The following STAM variants were observed in gnomAD, a reference collection of about 807,000 sequenced individuals.
STAM encodes the protein signal transducing adapter molecule 1.
STAM carries 16 observed loss-of-function variants against 63.4 expected under a neutral mutation model. The ratio of observed to expected loss-of-function variants is 0.25; its 90% CI spans 0.17 to 0.38. The LOEUF (loss-of-function observed/expected upper bound fraction) is 0.38. Among genes scored for constraint, STAM ranks in the 10% least tolerant of loss-of-function variants. The pLI, the probability that STAM is intolerant of heterozygous loss-of-function variation, is 1.00. For missense variants in STAM, 636 were observed against 657.1 expected, an observed-to-expected ratio of 0.97 and a Z score of 0.35; for synonymous variants, 238 against 223.9, an observed-to-expected ratio of 1.06 and a Z score of -0.56.
intron 2 of STAM, among the ~76,000 whole-genome samples, chr10:17,680,597 GGGTCCCACTATATTGCCCAGGCT>G (rs1457219742): frequency 3.9e-5 from 6 of 151,924 alleles, no homozygotes; most frequent in Non-Finnish European, 8.8e-5. Context: ...TGTAGAGACA[GGGTCCCACTATATTGCCCAGGCT>G]GGTCTCACAC....
At chr10:17,653,348 G>C (rs1833813441) in intron 1 of STAM, among the ~76,000 whole-genome samples, 2 of 152,256 alleles carry the variant, frequency 1.3e-5, no homozygotes, top group South Asian at 4.1e-4. Flanking sequence ...TCATCTCACA[G>C]AGTTAAATGT....
At chr10:17,686,533 C>T (rs561971310) in intron 4 of STAM, among the ~76,000 whole-genome samples, 7 of 152,070 alleles carry the variant, frequency 4.6e-5, no homozygotes, top group Non-Finnish European at 1.0e-4. Flanking sequence ...TGCGCCACCA[C>T]GCCTGGCTGG....
intron 1 of STAM, among the ~76,000 whole-genome samples, chr10:17,655,043 T>A (rs1474265693): frequency 1.6e-4 from 24 of 152,216 alleles, no homozygotes; most frequent in African/African-American, 5.8e-4. Context: ...TGTCCTCTTC[T>A]TATTTTCTAA....
At chr10:17,658,317 T>C (rs1436611905) in intron 1 of STAM, among the ~76,000 whole-genome samples, 1 of 152,198 alleles carries the variant, frequency 6.6e-6, no homozygotes, top group African/African-American at 2.4e-5. Flanking sequence ...ATTTCTATTG[T>C]TTTAGATTTG....
Position 17,708,882 on chromosome 10 carries a change from G to C in STAM, c.1316G>C (p.Ser439Thr), listed in dbSNP as rs150849046. The change falls in exon 13 of 14, where the codon AGC (serine) becomes ACC (threonine). Residue 439 changes from serine (S) to threonine (T), a missense_variant. By Grantham distance (58) the Ser-to-Thr change is moderately conservative. Around this residue, in one of 3 missense-constraint regions of STAM, gnomAD observed 532 missense variants for 536.9 expected, o/e 0.99. Coordinates refer to ENST00000377524, the MANE Select transcript of STAM (RefSeq NM_003473.4). ...CCCCCGGAGCAGCTGTCTTCTCTCA[G>C]CCAGGCAGTGGTCCCACCATCCGCA... ...SLPPEQLSSL[S>T]QAVVPPSANP... The C allele has an allele frequency of 2.8e-5, 45 of 1,614,032 alleles. No individual in the cohort carries two copies. In the African/African-American group the frequency reaches 4.8e-4, roughly 17 times the overall value.
intron 9 of STAM, among the ~76,000 whole-genome samples, chr10:17,703,617 G>A (rs1361492809): frequency 6.6e-6 from 1 of 152,134 alleles, no homozygotes; most frequent in Non-Finnish European, 1.5e-5. Flanking sequence ...ATATCGTATA[G>A]ATGTGTGTAT....
intron 2 of STAM, among the ~76,000 whole-genome samples, chr10:17,668,432 A>T (rs1262988092): frequency 6.6e-6 from 1 of 152,256 alleles, no homozygotes; most frequent in African/African-American, 2.4e-5. Flanking sequence ...ACCAATATTG[A>T]TACATTACTA....
chr10:17,661,994 G>A (rs142789591), intron 2 of STAM, among the ~76,000 whole-genome samples: 9 of 152,124 alleles, frequency 5.9e-5, no homozygotes, highest in Non-Finnish European at 7.4e-5. Context: ...GTTACATATC[G>A]CGTTCCCTTT....
chr10:17,687,938 A>G, intron 4 of STAM, 89 bp from the exon 5 acceptor site: 3 of 1,143,394 alleles, frequency 2.6e-6, no homozygotes, highest in Admixed American at 2.8e-5. Context: ...TTCAAAAAAC[A>G]TCACTTAATA....
At chr10:17,668,201 G>A (rs1834477489) in intron 2 of STAM, among the ~76,000 whole-genome samples, 1 of 152,130 alleles carries the variant, frequency 6.6e-6, no homozygotes, top group African/African-American at 2.4e-5. Context: ...AGGTGAAGGG[G>A]CATTTGAGAT....
At position 17,705,757 on chromosome 10, in the gene STAM, C is replaced by T; in HGVS notation, c.1209+16C>T. 1.2e-6 allele frequency: 2 copies of T among 1,604,806 alleles called. No individual in the cohort carries two copies. The highest frequency in any genetic ancestry group is 4.5e-5 in the East Asian group (2 of 44,762). ...TGGTTCTCAGGTAAGCTTTTAGAAG[C>T]CCATGTTGTTTTAAATTCTCAAATG... On this transcript the variant is annotated intron_variant, in intron 12 of 13. Coordinates refer to ENST00000377524, the MANE Select transcript of STAM (RefSeq NM_003473.4).
chr10:17,700,421 A>C, intron 9 of STAM, 142 bp downstream of exon 9: 1 of 555,038 alleles, frequency 1.8e-6, no homozygotes, highest in Non-Finnish European at 3.1e-6. Flanking sequence ...AATATAGACG[A>C]TGCAGACTGT....
chr10:17,653,542 G>A (rs1015100845), intron 1 of STAM, among the ~76,000 whole-genome samples: 2 of 152,170 alleles, frequency 1.3e-5, no homozygotes, highest in Non-Finnish European at 2.9e-5. Flanking sequence ...GCTCCATACA[G>A]GTGGTTGTTT....
intron 8 of STAM, among the ~76,000 whole-genome samples, chr10:17,699,672 C>T (rs17141515): frequency 0.12 from 17,556 of 152,202 alleles, 1,893 homozygotes; most frequent in African/African-American, 0.29. Context: ...CTGGCATGGA[C>T]GGCGCTCTCT....
chr10:17,649,393 TAAA>T (rs139969080), intron 1 of STAM, among the ~76,000 whole-genome samples: 20 of 141,882 alleles, frequency 1.4e-4, no homozygotes, highest in Admixed American at 1.4e-4. Context: ...ACCCTGTCTT[TAAA>T]AAAAAAAAAA....
intron 2 of STAM, among the ~76,000 whole-genome samples, chr10:17,684,473 C>T (rs1554825845): frequency 1.3e-5 from 2 of 151,518 alleles, no homozygotes; most frequent in African/African-American, 2.4e-5. Context: ...TCTACGATTA[C>T]TAATAAGAGA....
At chr10:17,696,910 TC>T (rs1554827614) in intron 8 of STAM, 41 bp downstream of exon 8, 1 of 1,518,792 alleles carries the variant, frequency 6.6e-7, no homozygotes, top group Admixed American at 1.7e-5. Context: ...TGTTTTCTAA[TC>T]CTTTTCTTAA....
chr10:17,668,469 A>AG (rs1159828413), intron 2 of STAM, among the ~76,000 whole-genome samples: 1 of 152,218 alleles, frequency 6.6e-6, no homozygotes, highest in African/African-American at 2.4e-5. Flanking sequence ...GTTTGCATTA[A>AG]GGTACACTTT....
Position 17,714,537 on chromosome 10 carries a change from C to A in STAM, c.1386-6C>A. 1.2e-6 allele frequency: 2 copies of A among 1,613,224 alleles called. No individual in the cohort carries two copies. Among genetic ancestry groups the A allele is most frequent in the South Asian group, 2.2e-5 (2 of 91,044 alleles). ...GATGTAATTGAGTGTTTTTCTTCCT[C>A]CACAGTACAATGGTCAGTTCCGTTC... On this transcript the variant is annotated splice_polypyrimidine_tract_variant and splice_region_variant and intron_variant, in intron 13 of 13. Coordinates refer to ENST00000377524, the MANE Select transcript of STAM (RefSeq NM_003473.4).
Sources: allele counts gnomAD v4.1 joint callset (sites outside exome capture counted in the v4.1 genomes callset), GRCh38; gene constraint gnomAD v4.1.1; regional missense constraint gnomAD v4.1.1; transcripts MANE v1.5; gene names NCBI Gene and HGNC (gene_info 2026-07-23, HGNC 2026-07-21).